The following ITGB3BP variants were observed in gnomAD, a reference collection of about 807,000 sequenced individuals.
ITGB3BP encodes the protein centromere protein R.
Under a neutral mutation model 29.1 loss-of-function variants are expected in ITGB3BP, and 27 were observed. That is an observed-to-expected ratio of 0.93 (90% CI 0.68 to 1.28). The LOEUF (loss-of-function observed/expected upper bound fraction) is 1.28, where lower values mean the gene tolerates loss of function less well. ITGB3BP is among the 50% of genes most tolerant of loss of function. The pLI is 0.00. For synonymous variants in ITGB3BP, 61 were observed against 61.4 expected (o/e 0.99, Z 0.03); for missense variants, 192 against 200.2 (o/e 0.96, Z 0.25).
intron 3 of ITGB3BP, among the ~76,000 whole-genome samples, chr1:63,484,488 T>C (rs543878250): frequency 6.6e-6 from 1 of 152,280 alleles, no homozygotes; most frequent in South Asian, 2.1e-4. Context: ...CTTTCCATTA[T>C]AATTTTTCTG....
chr1:63,482,940 C>A (rs1645466309), intron 3 of ITGB3BP, among the ~76,000 whole-genome samples: 1 of 152,156 alleles, frequency 6.6e-6, no homozygotes, highest in South Asian at 2.1e-4. Context: ...CAGGCATGAG[C>A]CACTGCGCCC....
At chr1:63,498,685 A>G (rs1052063951) in intron 2 of ITGB3BP, among the ~76,000 whole-genome samples, 13 of 151,568 alleles carry the variant, frequency 8.6e-5, no homozygotes, top group African/African-American at 3.2e-4. Flanking sequence ...AGGCAAGCAG[A>G]AGGAAAAAAA....
intron 2 of ITGB3BP, among the ~76,000 whole-genome samples, chr1:63,501,484 A>C (rs1645928462): frequency 6.6e-6 from 1 of 152,142 alleles, no homozygotes; most frequent in Non-Finnish European, 1.5e-5. Context: ...ACTAACTGCT[A>C]ATAGGTATGG....
Position 63,523,185 on chromosome 1 carries a change from T to C in ITGB3BP, c.-52A>G. On this transcript the variant is annotated 5_prime_UTR_variant, in exon 1 of 9. Coordinates refer to ENST00000271002, the MANE Select transcript of ITGB3BP (RefSeq NM_014288.5). ...CGCTGAATAAAACGAACCCAGCAACTTCCGAAAACAGAAAATCCGCCAAAG... is the reference window on the plus strand; with the variant it reads ...CGCTGAATAAAACGAACCCAGCAACCTCCGAAAACAGAAAATCCGCCAAAG... 1 of 1,612,718 alleles carries C rather than the reference T, an allele frequency of 6.2e-7. No individual in the cohort carries two copies. Among genetic ancestry groups the C allele is most frequent in the Non-Finnish European group, 8.5e-7 (1 of 1,179,634 alleles).
intron 2 of ITGB3BP, among the ~76,000 whole-genome samples, chr1:63,501,525 A>G (rs1202781463): frequency 6.6e-6 from 1 of 152,078 alleles, no homozygotes; most frequent in Non-Finnish European, 1.5e-5. Flanking sequence ...GAAATGTTCT[A>G]GGATTGGAGA....
chr1:63,523,007 C>A, intron 1 of ITGB3BP, 122 bp downstream of exon 1: 1 of 1,135,292 alleles, frequency 8.8e-7, no homozygotes, highest in East Asian at 2.3e-5. Context: ...TGCCTGTGGA[C>A]AGAGGAGACA....
At chr1:63,470,586 G>A (rs1645179078) in intron 4 of ITGB3BP, among the ~76,000 whole-genome samples, 1 of 152,144 alleles carries the variant, frequency 6.6e-6, no homozygotes, top group South Asian at 2.1e-4. Context: ...TTCAGCCATT[G>A]TTGTTAGCTA....
chr1:63,521,424 T>C (rs762902240), intron 1 of ITGB3BP, among the ~76,000 whole-genome samples: 3 of 148,000 alleles, frequency 2.0e-5, no homozygotes, highest in Non-Finnish European at 4.5e-5. Flanking sequence ...ATTAGCTATA[T>C]ATGTGAGATG....
chr1:63,474,949 C>T (rs893972188), intron 4 of ITGB3BP, among the ~76,000 whole-genome samples: 4 of 151,318 alleles, frequency 2.6e-5, no homozygotes, highest in Non-Finnish European at 5.9e-5. Context: ...AAAACTGATC[C>T]ACAAATGTGA....
At chr1:63,491,009 ATTAT>A in intron 2 of ITGB3BP, among the ~76,000 whole-genome samples, 1 of 424 alleles carries the variant, frequency 2.4e-3, no homozygotes, top group East Asian at 0.071. Flanking sequence ...CATACATCCA[ATTAT>A]TATTCACTGT....
intron 7 of ITGB3BP, 152 bp downstream of exon 7, chr1:63,453,766 T>G (rs1230552938): frequency 9.9e-5 from 55 of 556,686 alleles, no homozygotes; most frequent in Middle Eastern, 6.5e-4. Flanking sequence ...GCTTTTCAAA[T>G]GAGATTTGTG....
At chr1:63,517,774 G>A (rs1274066415) in intron 1 of ITGB3BP, among the ~76,000 whole-genome samples, 2 of 152,182 alleles carry the variant, frequency 1.3e-5, no homozygotes, top group Admixed American at 6.6e-5. Context: ...AGGCTGGAAT[G>A]CAAGTGACAC....
At chr1:63,511,647 T>C (rs1039343268) in intron 1 of ITGB3BP, among the ~76,000 whole-genome samples, 2 of 152,118 alleles carry the variant, frequency 1.3e-5, no homozygotes, top group African/African-American at 4.8e-5. Flanking sequence ...ACAACATGGA[T>C]GAACCTTGAA....
upstream of ITGB3BP, chr1:63,525,823 G>GTT: frequency 8.9e-7 from 1 of 1,126,580 alleles, no homozygotes; most frequent in South Asian, 1.6e-5. Context: ...AGGTCCGAAA[G>GTT]ACTGAAATTA....
At chr1:63,458,726 G>A (rs995354957) in intron 4 of ITGB3BP, among the ~76,000 whole-genome samples, 1 of 152,114 alleles carries the variant, frequency 6.6e-6, no homozygotes, top group African/African-American at 2.4e-5. Context: ...GTGAAGGCAA[G>A]GGCGGTATCT....
At chr1:63,474,127 C>T (rs1341144428) in intron 4 of ITGB3BP, among the ~76,000 whole-genome samples, 6 of 121,172 alleles carry the variant, frequency 5.0e-5, no homozygotes, top group Non-Finnish European at 1.8e-5. Context: ...GGCCAGCCGC[C>T]CCGTCCGGGA....
chr1:63,515,285 G>T (rs1267557575), intron 1 of ITGB3BP, among the ~76,000 whole-genome samples: 1 of 152,098 alleles, frequency 6.6e-6, no homozygotes, highest in Non-Finnish European at 1.5e-5. Context: ...CCACTGAGCT[G>T]CTTTGGTACC....
intron 1 of ITGB3BP, chr1:63,510,047 T>C (rs1483722866): frequency 6.9e-6 from 4 of 578,234 alleles, no homozygotes; most frequent in South Asian, 4.0e-5. Context: ...AATATTAGCC[T>C]AGCGTGGTGG....
chr1:63,448,390 C>T (rs1006386802), intron 7 of ITGB3BP, among the ~76,000 whole-genome samples: 1 of 151,256 alleles, frequency 6.6e-6, no homozygotes, highest in Non-Finnish European at 1.5e-5. Context: ...GTTCTGGGGT[C>T]CTGAAAGAGA....
Sources: gnomAD v4.1 joint callset for allele counts (sites outside exome capture counted in the v4.1 genomes callset) on GRCh38, gnomAD v4.1.1 for gene constraint, MANE v1.5 for transcripts, NCBI Gene and HGNC (gene_info 2026-07-23, HGNC 2026-07-21) for gene names.